The following SLC43A1 variants were observed in gnomAD, a reference collection of about 807,000 sequenced individuals.
SLC43A1 encodes large neutral amino acids transporter small subunit 3.
A neutral mutation model predicts 59.5 loss-of-function variants in SLC43A1; 31 were observed. The ratio of observed to expected loss-of-function variants is 0.52; its 90% CI spans 0.39 to 0.70. The LOEUF (loss-of-function observed/expected upper bound fraction) is 0.70. Among genes scored for constraint, SLC43A1 ranks in the 30% least tolerant of loss-of-function variants. The probability of loss-of-function intolerance (pLI) is 0.00; values close to 1 mark genes in which losing one functional copy is unlikely to be tolerated. For synonymous variants in SLC43A1, 259 were observed against 290.9 expected, an observed-to-expected ratio of 0.89 and a Z score of 1.12; for missense variants, 598 against 717.8, an observed-to-expected ratio of 0.83 and a Z score of 1.91.
chr11:57,508,175 G>A lies in SLC43A1; in HGVS notation c.154+5783C>T, dbSNP rs547558815. On this transcript the variant is annotated intron_variant, in intron 2 of 14. Transcript: ENST00000278426. ...CCAGCTACTCAGGAGGCTGAGGCAG[G>A]AGAATCGCTTGAACCTGGGAGGCGG... 2.6e-5 allele frequency among the ~76,000 whole-genome samples: 4 copies of A among 151,866 alleles called. 1 individual carries two copies. The South Asian group carries it at 8.3e-4, about 32-fold the overall frequency.
chr11:57,497,911 T>C (rs1944137977), intron 5 of SLC43A1, 66 bp from the exon 6 acceptor site: 1 of 1,240,394 alleles, frequency 8.1e-7, no homozygotes, highest in African/African-American at 1.5e-5. Context: ...TTCCCAGCCC[T>C]GCTCCATACA....
chr11:57,489,495 C>A, intron 11 of SLC43A1, 103 bp from the exon 12 acceptor site: 4 of 1,346,046 alleles, frequency 3.0e-6, no homozygotes, highest in Non-Finnish European at 4.1e-6. Context: ...GATGTCAGGG[C>A]AGCAGAAAAC....
rs569613001 is a variant in SLC43A1 at position 57,515,132 on chromosome 11, C to T, written c.-14+312G>A. On this transcript the variant is annotated intron_variant, in intron 1 of 14. Transcript: ENST00000278426. This position sits in a 1 kb window ranked among gnomAD's most constrained non-coding sequence, Gnocchi z 5.3. ...TTCTTCCAGGGGGACTCGGTATTCT[C>T]ATCTGTGAAACGGGGCTTTGGGTTC... 667 of 948,188 alleles carry T rather than the reference C, an allele frequency of 7.0e-4. No homozygotes were observed. The highest frequency in any genetic ancestry group is 7.8e-4 in the Non-Finnish European group (624 of 796,022). The allele number at this position is 948,188 out of a possible 1,614,324, so 58.7% of individuals were successfully genotyped here. A position where few individuals can be genotyped will look rare whatever the true frequency, so the allele number is the denominator to read the frequency against.
Position 57,515,180 on chromosome 11 carries a change from G to T in SLC43A1, c.-14+264C>A. The T allele has an allele frequency of 2.0e-6, 1 of 508,490 alleles. No homozygotes were observed. The highest frequency in any genetic ancestry group is 2.5e-6 in the Non-Finnish European group (1 of 393,916). The allele number at this position is 508,490 out of a possible 1,614,324, so 31.5% of individuals were successfully genotyped here. A position where few individuals can be genotyped will look rare whatever the true frequency, so the allele number is the denominator to read the frequency against. Reference sequence around the variant, plus strand: ...TTCAAGCGCTCCAGGAGGTCCGCTGGAACTCTGGCAAACGCGCAGCTCTAA... The same window carrying T: ...TTCAAGCGCTCCAGGAGGTCCGCTGTAACTCTGGCAAACGCGCAGCTCTAA... On this transcript the variant is annotated intron_variant, in intron 1 of 14. Transcript: ENST00000278426. This position sits in a 1 kb window ranked among gnomAD's most constrained non-coding sequence, Gnocchi z 5.3.
chr11:57,489,241 AGGTGGGTACCT>A lies in SLC43A1; in HGVS notation c.1334_1335+9del. Reference sequence around the variant, plus strand: ...GGAGGCAGGGAGAGGGGAAGGATGAAGGTGGGTACCTGGAGGTGTAAGTTGTTGATGAGACA... The same window carrying A: ...GGAGGCAGGGAGAGGGGAAGGATGAAGGAGGTGTAAGTTGTTGATGAGACA... On this transcript the variant is annotated splice_donor_variant and splice_donor_5th_base_variant and coding_sequence_variant and intron_variant, in exon 12 of 15. Transcript: ENST00000278426. LOFTEE classifies it high-confidence loss of function. 1 of 1,614,118 alleles carries A rather than the reference AGGTGGGTACCT, an allele frequency of 6.2e-7. No homozygotes were observed. Among genetic ancestry groups the A allele is most frequent in the South Asian group, 1.1e-5 (1 of 91,072 alleles).
chr11:57,513,929 C>T (rs1195994661), intron 2 of SLC43A1, 29 bp downstream of exon 2: 2 of 1,162,644 alleles, frequency 1.7e-6, no homozygotes, highest in African/African-American at 1.5e-5. Context: ...TCCCTCCCCC[C>T]AGCCCACCCA....
At chr11:57,509,352 G>C (rs929185868) in intron 2 of SLC43A1, among the ~76,000 whole-genome samples, 1 of 152,104 alleles carries the variant, frequency 6.6e-6, no homozygotes, top group Non-Finnish European at 1.5e-5. Context: ...CACTTTGGGA[G>C]GCCAAGGCGG....
intron 5 of SLC43A1, among the ~76,000 whole-genome samples, chr11:57,500,300 G>T (rs1944223577): frequency 6.6e-6 from 1 of 152,162 alleles, no homozygotes; most frequent in Non-Finnish European, 1.5e-5. Flanking sequence ...ACTCTCCCAC[G>T]ACATGGCAAG....
chr11:57,486,851 A>G (rs1460409021), intron 14 of SLC43A1, among the ~76,000 whole-genome samples: 1 of 152,064 alleles, frequency 6.6e-6, no homozygotes, highest in African/African-American at 2.4e-5. Flanking sequence ...AAATAACAAT[A>G]AATTAAAAAC....
chr11:57,502,394 T>C (rs1261991917), intron 2 of SLC43A1, among the ~76,000 whole-genome samples: 1 of 152,192 alleles, frequency 6.6e-6, no homozygotes, highest in Non-Finnish European at 1.5e-5. Flanking sequence ...GAGGATTAAA[T>C]TGGAGACAGT....
At chr11:57,486,890 A>C (rs1205700911) in intron 14 of SLC43A1, among the ~76,000 whole-genome samples, 1 of 152,228 alleles carries the variant, frequency 6.6e-6, no homozygotes, top group Admixed American at 6.5e-5. Context: ...TCAGGCTGAG[A>C]TATCCTGATT....
At chr11:57,491,657 G>A (rs201015966) in intron 9 of SLC43A1, 31 bp from the exon 10 acceptor site, 2 of 1,614,172 alleles carry the variant, frequency 1.2e-6, no homozygotes, top group African/African-American at 2.7e-5. Flanking sequence ...GGTGAGGGGA[G>A]CTCAGCCAGG....
chr11:57,488,972 C>A lies in SLC43A1; in HGVS notation c.1353G>T (p.Leu451=), dbSNP rs1042824591. ...NLHLQFVTFV[L]HTIVRGFFHS... ...GGAAGAAACCTCGAACAATGGTGTG[C>A]AGGACAAAGGTCACAAACTAAAACC... is the stretch of plus-strand genomic sequence containing the variant. Residue 451 remains leucine (L), a synonymous_variant, in exon 13 of 15, where the codon CTG becomes CTT. Transcript: ENST00000278426. 1.9e-6 allele frequency: 3 copies of A among 1,614,088 alleles called. No individual in the cohort carries two copies. Among genetic ancestry groups the A allele is most frequent in the Non-Finnish European group, 2.5e-6 (3 of 1,179,932 alleles).
At chr11:57,503,006 CCT>C (rs1307908542) in intron 2 of SLC43A1, among the ~76,000 whole-genome samples, 1 of 152,098 alleles carries the variant, frequency 6.6e-6, no homozygotes, top group Non-Finnish European at 1.5e-5. Flanking sequence ...GAAAATGACC[CCT>C]GACTTTACAT....
In SLC43A1 at chr11:57,514,875, C is replaced by T; in HGVS notation, c.-14+569G>A. On this transcript the variant is annotated intron_variant, in intron 1 of 14. Transcript: ENST00000278426. The surrounding 1 kb of genome is among the most constrained non-coding windows in gnomAD (Gnocchi z 5.5). Reference sequence around the variant, plus strand: ...GCTCGGACTTCGGCAGGAAGTCTGGCGGCTGCTGACTTTATAAGGGCAGCG... The same window carrying T: ...GCTCGGACTTCGGCAGGAAGTCTGGTGGCTGCTGACTTTATAAGGGCAGCG... 1 of 985,278 alleles carries T rather than the reference C, an allele frequency of 1.0e-6. No individual in the cohort carries two copies. Among genetic ancestry groups the T allele is most frequent in the Non-Finnish European group, 1.2e-6 (1 of 829,864 alleles). The allele number at this position is 985,278 out of a possible 1,614,324, so 61.0% of individuals were successfully genotyped here.
chr11:57,491,866 G>A lies in SLC43A1; in HGVS notation c.872-4C>T. ...CTCTTGCGTAAGGGGACAGACCCTG[G>A]GGAGACAGCAGGGGGCGCCCCTGAG... On this transcript the variant is annotated splice_region_variant and splice_polypyrimidine_tract_variant and intron_variant, in intron 8 of 14. Transcript: ENST00000278426. 6.2e-7 allele frequency: 1 copy of A among 1,613,730 alleles called. No individual in the cohort carries two copies. The highest frequency in any genetic ancestry group is 8.5e-7 in the Non-Finnish European group (1 of 1,179,876).
intron 8 of SLC43A1, among the ~76,000 whole-genome samples, chr11:57,493,238 C>T (rs1943986679): frequency 6.6e-6 from 1 of 152,196 alleles, no homozygotes; most frequent in Non-Finnish European, 1.5e-5. Flanking sequence ...GTCAGCCTAA[C>T]TCCAGCTCGT....
chr11:57,487,752 A>G (rs1943782553), intron 13 of SLC43A1, among the ~76,000 whole-genome samples: 1 of 151,946 alleles, frequency 6.6e-6, no homozygotes, highest in South Asian at 2.1e-4. Context: ...TGTACATGGG[A>G]CAGCCAAGGG....
Position 57,489,324 on chromosome 11 carries a change from C to A in SLC43A1, c.1262G>T (p.Ser421Ile). The change falls in exon 12 of 15, where the codon AGT becomes ATT. Residue 421 changes from serine to isoleucine, a missense_variant. Ser to Ile is a moderately radical substitution (Grantham distance 142). Transcript: ENST00000278426. Reference sequence around the variant, plus strand: ...CAGCAGGTTGGTCAGGGTGAAGGCACTGATGGCATTGGTGAGCTTTTGGAT... The same window carrying A: ...CAGCAGGTTGGTCAGGGTGAAGGCAATGATGGCATTGGTGAGCTTTTGGAT... ...CKIQKLTNAI[S>I]AFTLTNLLLV... 2 of 1,614,186 alleles carry A rather than the reference C, an allele frequency of 1.2e-6. No homozygotes were observed. Among genetic ancestry groups the A allele is most frequent in the Non-Finnish European group, 1.7e-6 (2 of 1,180,044 alleles).
Sources: allele counts gnomAD v4.1 joint callset (sites outside exome capture counted in the v4.1 genomes callset), GRCh38; gene constraint gnomAD v4.1.1; non-coding constraint Gnocchi (gnomAD v3.1); transcripts MANE v1.5; gene names NCBI Gene and HGNC (gene_info 2026-07-23, HGNC 2026-07-21).